The following SMYD4 variants were observed in gnomAD, a reference collection of about 807,000 sequenced individuals.
SMYD4 encodes the protein SET and MYND domain containing 4.
SMYD4 carries 68 observed loss-of-function variants against 72.8 expected under a neutral mutation model. That is an observed-to-expected ratio of 0.93 (90% CI 0.77 to 1.14). The LOEUF is 1.14. Among genes scored for constraint, SMYD4 ranks in the 50% most tolerant of loss-of-function variants. The probability of loss-of-function intolerance (pLI) is 0.00; values close to 1 mark genes in which losing one functional copy is unlikely to be tolerated. For missense variants in SMYD4, 984 were observed against 1,003.7 expected (o/e 0.98, Z 0.27); for synonymous variants, 407 against 388.6 (o/e 1.05, Z -0.56).
chr17:1,809,827 G>T (rs1656282717), intron 3 of SMYD4, among the ~76,000 whole-genome samples: 1 of 151,956 alleles, frequency 6.6e-6, no homozygotes, highest in African/African-American at 2.4e-5. Context: ...CCGCCACCGT[G>T]CCCGGCTAAT....
chr17:1,813,337 A>G (rs912796519), intron 2 of SMYD4, among the ~76,000 whole-genome samples: 3 of 152,222 alleles, frequency 2.0e-5, no homozygotes, highest in African/African-American at 7.2e-5. Flanking sequence ...TGGCTGACAG[A>G]AGAGAGATAA....
intron 5 of SMYD4, among the ~76,000 whole-genome samples, chr17:1,798,036 ACCC>A (rs1909497458): frequency 6.6e-6 from 1 of 151,894 alleles, no homozygotes; most frequent in African/African-American, 2.4e-5. Flanking sequence ...TTGATACCTT[ACCC>A]AACTACTGGG....
chr17:1,826,888 T>A (rs1208472089), intron 2 of SMYD4, among the ~76,000 whole-genome samples: 1 of 152,108 alleles, frequency 6.6e-6, no homozygotes, highest in Non-Finnish European at 1.5e-5. Context: ...CAGTGGCTCA[T>A]GCCTGTAATC....
intron 5 of SMYD4, among the ~76,000 whole-genome samples, chr17:1,794,105 A>ATATATATATATAT (rs1291818005): frequency 7.7e-5 from 1 of 12,990 alleles, no homozygotes; most frequent in African/African-American, 3.6e-4. Flanking sequence ...ATATATATAT[A>ATATATATATATAT]TTTTTTTTTT....
At chr17:1,785,807 T>C (rs1489551211) in intron 7 of SMYD4, among the ~76,000 whole-genome samples, 6 of 148,120 alleles carry the variant, frequency 4.1e-5, no homozygotes, top group Admixed American at 4.0e-4. Flanking sequence ...AAAAAGGTGC[T>C]AGGTGCGATC....
intron 7 of SMYD4, among the ~76,000 whole-genome samples, chr17:1,786,345 G>A (rs1035032810): frequency 6.6e-6 from 1 of 152,184 alleles, no homozygotes. Flanking sequence ...GGATCAAGCT[G>A]TATCTTAAGC....
intron 5 of SMYD4, among the ~76,000 whole-genome samples, chr17:1,794,087 A>ATATATATGTG (rs1567771013): frequency 1.4e-4 from 3 of 21,112 alleles, no homozygotes; most frequent in African/African-American, 5.4e-4. Flanking sequence ...ATGTGTATAT[A>ATATATATGTG]TATATATATA....
intron 5 of SMYD4, 57 bp from the exon 6 acceptor site, chr17:1,787,661 C>A (rs1245286373): frequency 1.3e-5 from 20 of 1,485,796 alleles, no homozygotes; most frequent in Non-Finnish European, 1.8e-5. Flanking sequence ...CCTGGCCTTG[C>A]CCTCTGTTCC....
At chr17:1,812,394 C>T (rs1030309249) in intron 2 of SMYD4, among the ~76,000 whole-genome samples, 1 of 152,032 alleles carries the variant, frequency 6.6e-6, no homozygotes, top group Non-Finnish European at 1.5e-5. Context: ...TCAGATGATT[C>T]TCCCACCTCA....
intron 5 of SMYD4, among the ~76,000 whole-genome samples, chr17:1,796,682 G>A (rs1597376454): frequency 2.0e-5 from 3 of 151,944 alleles, no homozygotes; most frequent in Admixed American, 1.3e-4. Context: ...AGATCCGCCC[G>A]CCTCGGCCTC....
intron 4 of SMYD4, 90 bp from the exon 5 acceptor site, chr17:1,801,114 A>G: frequency 8.2e-7 from 1 of 1,226,474 alleles, no homozygotes; most frequent in East Asian, 2.3e-5. Flanking sequence ...CAGGAAAGTT[A>G]AGGATTATTA....
intron 10 of SMYD4, 153 bp downstream of exon 10, chr17:1,782,882 T>G: frequency 1.6e-6 from 2 of 1,250,974 alleles, no homozygotes; most frequent in Non-Finnish European, 2.2e-6. Context: ...TAAAGCGTTA[T>G]GTTTGTTAGC....
chr17:1,828,949 A>C (rs545298053), intron 1 of SMYD4, among the ~76,000 whole-genome samples: 1 of 147,784 alleles, frequency 6.8e-6, no homozygotes, highest in African/African-American at 2.5e-5. Context: ...TTTCTCACCC[A>C]CCCCAGCAAC....
At chr17:1,827,745 G>A (rs1911266719) in intron 2 of SMYD4, 116 bp downstream of exon 2, 2 of 1,339,486 alleles carry the variant, frequency 1.5e-6, no homozygotes, top group Non-Finnish European at 2.0e-6. Flanking sequence ...AGACCAGCCT[G>A]GGAAACAAGC....
Position 1,779,731 on chromosome 17 carries a change from C to G in SMYD4, c.*1555G>C, listed in dbSNP as rs982197326. 1 of 152,342 alleles carries G rather than the reference C, an allele frequency of 6.6e-6. No individual in the cohort carries two copies. Among genetic ancestry groups the G allele is most frequent in the Non-Finnish European group, 1.5e-5 (1 of 68,044 alleles). 9.4% of individuals were successfully genotyped at this position (152,342 alleles called of 1,614,324 possible). On this transcript the variant is annotated 3_prime_UTR_variant, in exon 11 of 11. Transcript: ENST00000305513. ...TTCTCTGGTCACGGTTCATACTCCA[C>G]GATTTTAACAAAGGAGTCGAGGAAG... is the stretch of plus-strand genomic sequence containing the variant.
chr17:1,801,423 G>C (rs112347009), intron 4 of SMYD4, among the ~76,000 whole-genome samples: 26,901 of 150,868 alleles, frequency 0.18, 2,487 homozygotes, highest in Middle Eastern at 0.2. Context: ...TGTATTTTTA[G>C]TAGAGACGGG....
intron 5 of SMYD4, among the ~76,000 whole-genome samples, chr17:1,799,184 G>A (rs1160438070): frequency 2.7e-5 from 4 of 150,942 alleles, no homozygotes; most frequent in African/African-American, 4.9e-5. Context: ...GCGTGAACCT[G>A]GGAGGCAGAG....
chr17:1,789,037 G>GAA (rs890623493), intron 5 of SMYD4, among the ~76,000 whole-genome samples: 1 of 152,098 alleles, frequency 6.6e-6, no homozygotes, highest in Non-Finnish European at 1.5e-5. Flanking sequence ...TGGAAAACTG[G>GAA]AAAAAAACCA....
intron 5 of SMYD4, among the ~76,000 whole-genome samples, chr17:1,799,397 T>C (rs1909585172): frequency 1.3e-5 from 2 of 148,166 alleles, no homozygotes; most frequent in African/African-American, 5.0e-5. Context: ...TGAGATGGAG[T>C]CTCACTCTGT....
Sources: allele counts gnomAD v4.1 joint callset (sites outside exome capture counted in the v4.1 genomes callset), GRCh38; gene constraint gnomAD v4.1.1; transcripts MANE v1.5; gene names NCBI Gene and HGNC (gene_info 2026-07-23, HGNC 2026-07-21).